The following AP5Z1 variants were observed in gnomAD, a reference collection of about 807,000 sequenced individuals.
AP5Z1 encodes the protein adaptor related protein complex 5 subunit zeta 1.
A neutral mutation model predicts 83.0 loss-of-function variants in AP5Z1; 106 were observed. That is an observed-to-expected ratio of 1.28 (90% confidence interval 1.09 to 1.50). AP5Z1 has a LOEUF of 1.50. Among genes scored for constraint, AP5Z1 ranks in the 40% most tolerant of loss-of-function variants. AP5Z1 has a pLI of 0.00. For synonymous variants in AP5Z1, 751 were observed against 514.1 expected (o/e 1.46, Z -6.23); for missense variants, 1,565 against 1,094.2 (o/e 1.43, Z -6.07).
chr7:4,776,808 T>G (rs1781241929), intron 1 of AP5Z1, among the ~76,000 whole-genome samples: 1 of 151,506 alleles, frequency 6.6e-6, no homozygotes, highest in Non-Finnish European at 1.5e-5. Flanking sequence ...ACAAACTTGG[T>G]GAGGTGAGAG....
Position 4,785,599 on chromosome 7 carries a change from C to CTT in AP5Z1, c.1047_1048insTT (p.Leu350PhefsTer2). On this transcript the variant is annotated frameshift_variant, in exon 9 of 17. Transcript: ENST00000649063. LOFTEE classifies it high-confidence loss of function. ...CCTTCCTGTACCGAAGTCTCTCCTG[C>CTT]CTGAAGGCCCTGCACGGGCGGGTGC... The CTT allele has an allele frequency of 6.3e-7, 1 of 1,596,918 alleles. No individual in the cohort carries two copies. The highest frequency in any genetic ancestry group is 1.3e-5 in the African/African-American group (1 of 74,856).
rs377356001 is a variant in AP5Z1 at position 4,785,058 on chromosome 7, C to A, written c.931+10C>A. ...GAGCAAAGTAACCGACGTGAGTCCCCCACCCAGGGCACTGGCCTCCCCAGG... is the reference window on the plus strand; with the variant it reads ...GAGCAAAGTAACCGACGTGAGTCCCACACCCAGGGCACTGGCCTCCCCAGG... On this transcript the variant is annotated intron_variant, in intron 7 of 16. Coordinates refer to ENST00000649063, the MANE Select transcript of AP5Z1 (RefSeq NM_014855.3). 5.0e-5 allele frequency: 79 copies of A among 1,586,514 alleles called. 1 individual carries two copies. The highest frequency in any genetic ancestry group is 2.9e-4 in the East Asian group (13 of 44,442).
rs1384596916 is a variant in AP5Z1, at chr7:4,793,233, G to C, written c.*1848G>C. ...GGCCTCCAGGAGGCAGCTGGGAAAA[G>C]GGCAAAGCTCACCAGCTCTCAACTT... On this transcript the variant is annotated 3_prime_UTR_variant, in exon 17 of 17. Transcript: ENST00000649063. 6.6e-6 allele frequency: 1 copy of C among 152,308 alleles called. No homozygotes were observed. Among genetic ancestry groups the C allele is most frequent in the African/African-American group, 2.4e-5 (1 of 41,482 alleles). The allele number at this position is 152,308 out of a possible 1,614,324, so 9.4% of individuals were successfully genotyped here. A position where few individuals can be genotyped will look rare whatever the true frequency, so the allele number is the denominator to read the frequency against.
intron 13 of AP5Z1, 112 bp from the exon 14 acceptor site, chr7:4,789,720 G>A (rs932627715): frequency 2.4e-5 from 17 of 715,112 alleles, no homozygotes; most frequent in African/African-American, 1.8e-4. Context: ...GGCAGTGGAC[G>A]AGGAGTCTCC....
In AP5Z1 at chr7:4,783,361, C is replaced by T. The variant is rs778457903; in HGVS notation, c.412C>T (p.Arg138Ter). ...CAGAGCCGTGGGCCAGGGCGTGCTA[C>T]GAGCGCTGGAGAGCCGGCAGCCTGA... ...EVRAVGQGVL[R>*]ALESRQPEGP... The change falls in exon 4 of 17, where the codon CGA becomes TGA. Residue 138 changes from arginine (R) to a stop codon, truncating the protein, a stop_gained. Transcript: ENST00000649063. LOFTEE classifies it high-confidence loss of function. 2.9e-5 allele frequency: 47 copies of T among 1,612,846 alleles called. No individual in the cohort carries two copies. Among genetic ancestry groups the T allele is most frequent in the South Asian group, 5.5e-5 (5 of 91,052 alleles).
At chr7:4,790,021 G>A (rs1370367450) in intron 14 of AP5Z1, 92 bp downstream of exon 14, 24 of 1,083,964 alleles carry the variant, frequency 2.2e-5, no homozygotes, top group South Asian at 1.9e-4. Flanking sequence ...CAGTGGCTTC[G>A]GCACCACCCC....
intron 1 of AP5Z1, among the ~76,000 whole-genome samples, chr7:4,780,769 GA>G (rs974295706): frequency 2.2e-4 from 33 of 150,624 alleles, no homozygotes; most frequent in African/African-American, 6.3e-4. Flanking sequence ...CCATCTCGGG[GA>G]AAAAAAAAAT....
At chr7:4,788,322 C>T in intron 12 of AP5Z1, 28 bp downstream of exon 12, 1 of 1,551,134 alleles carries the variant, frequency 6.4e-7, no homozygotes, top group Non-Finnish European at 8.7e-7. Flanking sequence ...CAGGGGGCCA[C>T]CAGTGGCTCA....
intron 1 of AP5Z1, among the ~76,000 whole-genome samples, chr7:4,780,389 G>T (rs1016379827): frequency 6.6e-6 from 1 of 150,876 alleles, no homozygotes; most frequent in Non-Finnish European, 1.5e-5. Flanking sequence ...GGAGGCCGAG[G>T]TGGGCAGATC....
intron 14 of AP5Z1, 140 bp from the exon 15 acceptor site, chr7:4,790,319 G>GTCTTCGGC: frequency 6.4e-7 from 1 of 1,551,236 alleles, no homozygotes; most frequent in Non-Finnish European, 8.7e-7. Context: ...GAGGCTGGCA[G>GTCTTCGGC]TCTTCTGTGT....
Position 4,781,626 on chromosome 7 carries a change from G to T in AP5Z1, c.238G>T (p.Glu80Ter), listed in dbSNP as rs199577559. ...CACCCTCGGCCTGCCTGCATGCCCC[G>T]AGCAGCTCCAGGTGCTTTGCGCCGC... ...QATLGLPACP[E>*]QLQVLCAAIL... The change falls in exon 3 of 17, where the codon GAG (glutamate) becomes TAG (stop). Residue 80 changes from glutamate to a stop codon, truncating the protein, a stop_gained. Coordinates refer to ENST00000649063, the MANE Select transcript of AP5Z1 (RefSeq NM_014855.3). LOFTEE classifies it high-confidence loss of function. The T allele has an allele frequency of 1.8e-5, 29 of 1,609,424 alleles. No homozygotes were observed. The highest frequency in any genetic ancestry group is 2.4e-5 in the Non-Finnish European group (28 of 1,177,320).
chr7:4,776,974 C>T lies in AP5Z1; in HGVS notation c.41+1218C>T, dbSNP rs572620213. ...GCTAGACCAATTGGTGGGAAAGATT[C>T]GGGTGGTTGAAATTGCTGTGATTAT... is the stretch of plus-strand genomic sequence containing the variant. On this transcript the variant is annotated intron_variant, in intron 1 of 16. Transcript: ENST00000649063. Among the ~76,000 whole-genome samples, 109 of 152,174 alleles carry T rather than the reference C, an allele frequency of 7.2e-4. 1 individual carries two copies. Among genetic ancestry groups the T allele is most frequent in the Admixed American group, 3.7e-3 (57 of 15,268 alleles).
At position 4,778,976 on chromosome 7, in the gene AP5Z1, AG is replaced by A. The variant is rs1441730244; in HGVS notation, c.42-2198del. On this transcript the variant is annotated intron_variant, in intron 1 of 16. Transcript: ENST00000649063. ...TGAGCTAGAAGATCAGGCTGCAGTG[AG>A]CTGAGATTATGCCACTGCACTCCAG... Among the ~76,000 whole-genome samples, 5 of 146,922 alleles carry A rather than the reference AG, an allele frequency of 3.4e-5. No homozygotes were observed. The East Asian group carries it at 9.8e-4, about 29-fold the overall frequency.
chr7:4,783,404 ACCT>A lies in AP5Z1; in HGVS notation c.461_463del (p.Leu154del), dbSNP rs768673695. 2 of 1,612,762 alleles carry A rather than the reference ACCT, an allele frequency of 1.2e-6. No individual in the cohort carries two copies. Among genetic ancestry groups the A allele is most frequent in the South Asian group, 2.2e-5 (2 of 91,056 alleles). Reference sequence around the variant, plus strand: ...CAGCCTGAGGGACCCAGCCTCAGACACCTCCTCCCCGTCATGGCCAAGGTCGTG... The same window carrying A: ...CAGCCTGAGGGACCCAGCCTCAGACACCTCCCCGTCATGGCCAAGGTCGTG... On this transcript the variant is annotated inframe_deletion, in exon 4 of 17. Transcript: ENST00000649063.
chr7:4,791,281 G>T lies in AP5Z1; in HGVS notation c.2320G>T (p.Val774Leu). 13 of 1,612,666 alleles carry T rather than the reference G, an allele frequency of 8.1e-6. No individual in the cohort carries two copies. The highest frequency in any genetic ancestry group is 9.3e-6 in the Non-Finnish European group (11 of 1,179,848). ...GTTTGTGCTCACACCCAGCACGGAGGTGTGCAGCCCCCGCTATCACCGCGA... is the reference window on the plus strand; with the variant it reads ...GTTTGTGCTCACACCCAGCACGGAGTTGTGCAGCCCCCGCTATCACCGCGA... The part of the protein sequence containing the change: ...AQFVLTPSTE[V>L]CSPRYHRDAN... Residue 774 changes from valine (V) to leucine (L), a missense_variant, in exon 17 of 17, where the codon GTG (valine) becomes TTG (leucine). Val to Leu is a conservative substitution (Grantham distance 32, BLOSUM62 1). Transcript: ENST00000649063.
rs1190689114 is a variant in AP5Z1, at chr7:4,775,626, G to A, written c.-90G>A. 1.9e-6 allele frequency: 3 copies of A among 1,562,858 alleles called. No individual in the cohort carries two copies. The highest frequency in any genetic ancestry group is 1.7e-6 in the Non-Finnish European group (2 of 1,153,258). The stretch of plus-strand genomic sequence containing the variant: ...CGTAAGGCCGCTGCGCTCACGTGAC[G>A]CGGTCCCGGAAGTTGACCGGGGTGC... On this transcript the variant is annotated 5_prime_UTR_variant, in exon 1 of 17. Coordinates refer to ENST00000649063, the MANE Select transcript of AP5Z1 (RefSeq NM_014855.3).
chr7:4,790,450 T>G lies in AP5Z1; in HGVS notation c.1806-9T>G. On this transcript the variant is annotated splice_polypyrimidine_tract_variant and intron_variant, in intron 14 of 16. Transcript: ENST00000649063. ...CACAGAGCAGGCGTAGACCCGGCTTTCTGGGCAGTGTGCTGAGTTCTCAGT... is the reference window on the plus strand; with the variant it reads ...CACAGAGCAGGCGTAGACCCGGCTTGCTGGGCAGTGTGCTGAGTTCTCAGT... The G allele has an allele frequency of 6.2e-7, 1 of 1,613,052 alleles. No individual in the cohort carries two copies. Among genetic ancestry groups the G allele is most frequent in the Non-Finnish European group, 8.5e-7 (1 of 1,179,850 alleles).
chr7:4,781,146 T>C, intron 1 of AP5Z1, 29 bp from the exon 2 acceptor site: 1 of 1,606,800 alleles, frequency 6.2e-7, no homozygotes, highest in Non-Finnish European at 8.5e-7. Flanking sequence ...CGAGTGCTTC[T>C]GGGTCCTGAA....
rs1169335963 is a variant in AP5Z1 at position 4,790,456 on chromosome 7, C to T, written c.1806-3C>T. On this transcript the variant is annotated splice_region_variant and splice_polypyrimidine_tract_variant and intron_variant, in intron 14 of 16. Coordinates refer to ENST00000649063, the MANE Select transcript of AP5Z1 (RefSeq NM_014855.3). The stretch of plus-strand genomic sequence containing the variant: ...GCAGGCGTAGACCCGGCTTTCTGGG[C>T]AGTGTGCTGAGTTCTCAGTTCCTGG... The T allele has an allele frequency of 6.2e-7, 1 of 1,613,086 alleles. No individual in the cohort carries two copies. The highest frequency in any genetic ancestry group is 1.7e-5 in the Admixed American group (1 of 60,014).
Sources: allele counts gnomAD v4.1 joint callset (sites outside exome capture counted in the v4.1 genomes callset), GRCh38; gene constraint gnomAD v4.1.1; transcripts MANE v1.5; gene names NCBI Gene and HGNC (gene_info 2026-07-23, HGNC 2026-07-21).